DIS3L2: variants seen among roughly 807,000 people sequenced by gnomAD.
DIS3L2 encodes the protein DIS3-like exonuclease 2.
A neutral mutation model predicts 97.5 loss-of-function variants in DIS3L2; 34 were observed. The observed-to-expected ratio is 0.35, with a 90% CI of 0.27 to 0.46. DIS3L2 has a LOEUF of 0.46. DIS3L2 is among the 20% of genes least tolerant of loss of function. The probability of loss-of-function intolerance (pLI) is 1.00; values close to 1 mark genes in which losing one functional copy is unlikely to be tolerated. For missense variants in DIS3L2, 1,038 were observed against 1,146.0 expected (o/e 0.91, Z 1.36); for synonymous variants, 435 against 445.2 (o/e 0.98, Z 0.29).
chr2:232,102,010 C>CAAATATAGTGACAT (rs1697217945), intron 6 of DIS3L2, among the ~76,000 whole-genome samples: 1 of 152,186 alleles, frequency 6.6e-6, no homozygotes, highest in Non-Finnish European at 1.5e-5. Flanking sequence ...TTATAGTGGA[C>CAAATATAGTGACAT]ATATTTGGTG....
chr2:232,306,161 TGTGCC>T (rs1694981102), intron 14 of DIS3L2, among the ~76,000 whole-genome samples: 1 of 152,244 alleles, frequency 6.6e-6, no homozygotes, highest in Non-Finnish European at 1.5e-5. Context: ...TCCTCACCCA[TGTGCC>T]GTGTGGGCTT....
At chr2:232,013,070 C>T (rs1191347802) in intron 1 of DIS3L2, among the ~76,000 whole-genome samples, 3 of 152,178 alleles carry the variant, frequency 2.0e-5, no homozygotes, top group African/African-American at 4.8e-5. Flanking sequence ...CAACCACTCC[C>T]ACCTTGCTCA....
intron 9 of DIS3L2, among the ~76,000 whole-genome samples, chr2:232,209,747 G>T (rs1160662287): frequency 6.6e-6 from 1 of 152,236 alleles, no homozygotes; most frequent in African/African-American, 2.4e-5. Context: ...CACAGGGTAA[G>T]AGTGTGATGT....
At chr2:232,173,229 A>C (rs963817419) in intron 9 of DIS3L2, among the ~76,000 whole-genome samples, 2 of 152,078 alleles carry the variant, frequency 1.3e-5, no homozygotes, top group African/African-American at 4.8e-5. Context: ...AGAGTTAGAC[A>C]TATGTTTTCT....
intron 5 of DIS3L2, among the ~76,000 whole-genome samples, chr2:232,072,870 C>T (rs551348247): frequency 2.1e-4 from 31 of 149,100 alleles, no homozygotes; most frequent in African/African-American, 6.5e-4. Context: ...GGAAGGAAGT[C>T]GAATGATTGA....
intron 12 of DIS3L2, among the ~76,000 whole-genome samples, chr2:232,261,402 G>T (rs542882556): frequency 2.0e-5 from 3 of 152,194 alleles, no homozygotes; most frequent in African/African-American, 7.2e-5. Context: ...TGTTCTTTTG[G>T]AAGTGGTCAT....
chr2:232,306,856 A>C (rs1694998050), intron 14 of DIS3L2, among the ~76,000 whole-genome samples: 1 of 152,132 alleles, frequency 6.6e-6, no homozygotes, highest in South Asian at 2.1e-4. Flanking sequence ...CTGCCCTGGC[A>C]CCCTACATGC....
At chr2:232,335,221 G>T in intron 19 of DIS3L2, 1 of 178,362 alleles carries the variant, frequency 5.6e-6, no homozygotes, top group Non-Finnish European at 1.2e-5. Flanking sequence ...CCTGGGGTCT[G>T]CAGGTCACCA....
At chr2:232,334,073 A>G in intron 17 of DIS3L2, 86 bp downstream of exon 17, 1 of 1,513,072 alleles carries the variant, frequency 6.6e-7, no homozygotes, top group East Asian at 2.3e-5. Context: ...GCCCAAGACC[A>G]TTCTGCCGTG....
chr2:232,102,225 G>A (rs566898087), intron 6 of DIS3L2, among the ~76,000 whole-genome samples: 1 of 152,326 alleles, frequency 6.6e-6, no homozygotes, highest in Admixed American at 6.5e-5. Flanking sequence ...ATGACACCAA[G>A]GGAGAAATAA....
intron 9 of DIS3L2, among the ~76,000 whole-genome samples, chr2:232,190,758 T>A (rs140716918): frequency 0.011 from 1,619 of 152,138 alleles, 29 homozygotes; most frequent in African/African-American, 0.037. Context: ...ATACATAGGG[T>A]GAGCATATAA....
At chr2:232,236,616 C>G (rs1246922595) in intron 10 of DIS3L2, among the ~76,000 whole-genome samples, 1 of 152,198 alleles carries the variant, frequency 6.6e-6, no homozygotes, top group East Asian at 1.9e-4. Context: ...GAGAGACCCT[C>G]TTTCCTGAAG....
At chr2:232,204,319 C>T (rs1289894650) in intron 9 of DIS3L2, among the ~76,000 whole-genome samples, 2 of 152,090 alleles carry the variant, frequency 1.3e-5, no homozygotes, top group Admixed American at 1.3e-4. Flanking sequence ...GAAATTATTT[C>T]TAAGCTTTTG....
intron 14 of DIS3L2, 28 bp from the exon 15 acceptor site, chr2:232,329,785 T>TACCGGGGGGGGGC: frequency 1.0e-6 from 1 of 967,144 alleles, no homozygotes; most frequent in East Asian, 3.1e-5. Flanking sequence ...ACCCCAGCGG[T>TACCGGGGGGGGGC]CCCTCCCATC....
intron 6 of DIS3L2, among the ~76,000 whole-genome samples, chr2:232,129,687 T>C (rs1222909901): frequency 6.6e-6 from 1 of 151,798 alleles, no homozygotes. Flanking sequence ...TTAAGCTGAG[T>C]TTTTGCTAAA....
At chr2:232,341,625 T>C (rs992502993), downstream of DIS3L2, among the ~76,000 whole-genome samples, 18 of 152,226 alleles carry the variant, frequency 1.2e-4, no homozygotes, top group Admixed American at 5.2e-4. Flanking sequence ...ATGCAGGGAA[T>C]GCAGTTGGTG....
rs371574184 is a variant in DIS3L2 at position 232,072,476 on chromosome 2, C to T, written c.367-15011C>T. On this transcript the variant is annotated intron_variant, in intron 5 of 20. Transcript: ENST00000325385. ...GGCTGAGGTAGAGAATTGTCAGAGA[C>T]GAGGTCGGAGGGATCCGGGGTGGGG... Among the ~76,000 whole-genome samples, 8 of 152,114 alleles carry T rather than the reference C, an allele frequency of 5.3e-5. No homozygotes were observed. In the East Asian group the frequency reaches 9.7e-4, roughly 18 times the overall value.
intron 9 of DIS3L2, among the ~76,000 whole-genome samples, chr2:232,203,300 C>CAGAGG (rs1332029935): frequency 5.3e-5 from 8 of 152,176 alleles, no homozygotes; most frequent in African/African-American, 1.9e-4. Flanking sequence ...GAGTCACGGA[C>CAGAGG]AGAGGAGGGC....
chr2:232,099,825 C>T (rs891240250), intron 6 of DIS3L2, among the ~76,000 whole-genome samples: 1 of 152,156 alleles, frequency 6.6e-6, no homozygotes, highest in Non-Finnish European at 1.5e-5. Flanking sequence ...GGAATTTATC[C>T]ATTCAACTTT....
Sources: allele counts gnomAD v4.1 joint callset (sites outside exome capture counted in the v4.1 genomes callset), GRCh38; gene constraint gnomAD v4.1.1; transcripts MANE v1.5; gene names NCBI Gene and HGNC (gene_info 2026-07-23, HGNC 2026-07-21).